Variants in SOX5 observed in about 807,000 individuals in gnomAD.
SOX5 encodes the protein SRY-box transcription factor 5, also known as transcription factor SOX-5.
A neutral mutation model predicts 92.0 loss-of-function variants in SOX5; 9 were observed. The ratio of observed to expected loss-of-function variants is 0.10; its 90% CI spans 0.06 to 0.17. SOX5 has a LOEUF of 0.17. Among genes scored for constraint, SOX5 ranks in the 10% least tolerant of loss-of-function variants. The pLI is 1.00. For missense variants in SOX5, 642 were observed against 944.5 expected (o/e 0.68, Z 4.20); for synonymous variants, 344 against 336.3 (o/e 1.02, Z -0.25).
intron 10 of SOX5, among the ~76,000 whole-genome samples, chr12:23,566,051 T>C (rs1426671534): frequency 3.9e-5 from 6 of 152,322 alleles, no homozygotes; most frequent in Non-Finnish European, 7.3e-5. Flanking sequence ...TCAATAAAAA[T>C]GGTTCCTTGC....
chr12:23,667,584 T>C (rs977728310), intron 6 of SOX5, among the ~76,000 whole-genome samples: 2 of 152,102 alleles, frequency 1.3e-5, no homozygotes, highest in African/African-American at 4.8e-5. Context: ...AAATAAGACC[T>C]AGCTTGGCCC....
At chr12:24,546,821 T>TC (rs1952665484) in intron 1 of SOX5, among the ~76,000 whole-genome samples, 1 of 152,118 alleles carries the variant, frequency 6.6e-6, no homozygotes, top group Non-Finnish European at 1.5e-5. Flanking sequence ...AGGGTTGACT[T>TC]CCCCCAGGGC....
intron 1 of SOX5, among the ~76,000 whole-genome samples, chr12:24,465,412 T>C (rs893605353): frequency 2.6e-5 from 4 of 152,238 alleles, no homozygotes; most frequent in Admixed American, 2.0e-4. Flanking sequence ...ATTTAAGAGA[T>C]GCATTTATTC....
intron 2 of SOX5, among the ~76,000 whole-genome samples, chr12:23,874,583 G>A (rs1568530621): frequency 6.6e-6 from 1 of 152,122 alleles, no homozygotes; most frequent in East Asian, 1.9e-4. Context: ...AAATAGTACG[G>A]GCAGCAACTT....
intron 9 of SOX5, among the ~76,000 whole-genome samples, chr12:23,579,973 T>C (rs1353963943): frequency 6.6e-6 from 1 of 152,108 alleles, no homozygotes; most frequent in African/African-American, 2.4e-5. Flanking sequence ...ATTTCATTTA[T>C]ACACAAAGTA....
chr12:23,640,644 T>G (rs1236989496), intron 8 of SOX5, among the ~76,000 whole-genome samples, 168 bp downstream of exon 8: 2 of 152,184 alleles, frequency 1.3e-5, no homozygotes, highest in East Asian at 3.9e-4. Flanking sequence ...GGCTAAAAAT[T>G]AAGAGAATCA....
intron 9 of SOX5, among the ~76,000 whole-genome samples, chr12:23,591,168 C>T (rs1424954432): frequency 6.6e-6 from 1 of 151,806 alleles, no homozygotes; most frequent in African/African-American, 2.4e-5. Flanking sequence ...AAGCATATTA[C>T]TGCAGTTAAA....
intron 6 of SOX5, among the ~76,000 whole-genome samples, chr12:23,721,416 T>C (rs2092810326): frequency 6.6e-6 from 1 of 152,106 alleles, no homozygotes; most frequent in African/African-American, 2.4e-5. Context: ...CAAAAAGTTC[T>C]AATTCAGTAG....
intron 4 of SOX5, among the ~76,000 whole-genome samples, chr12:24,178,880 A>G (rs983977803): frequency 6.6e-6 from 1 of 152,244 alleles, no homozygotes; most frequent in Non-Finnish European, 1.5e-5. Flanking sequence ...CTTCAAAGCC[A>G]TGTTTTCCCC....
chr12:23,632,751 A>G (rs1371876478), intron 8 of SOX5, among the ~76,000 whole-genome samples: 1 of 152,140 alleles, frequency 6.6e-6, no homozygotes, highest in Non-Finnish European at 1.5e-5. Context: ...TTGCTATGAA[A>G]AAAGATTGAT....
intron 4 of SOX5, among the ~76,000 whole-genome samples, chr12:24,180,901 G>A (rs1039973435): frequency 6.6e-6 from 1 of 152,070 alleles, no homozygotes; most frequent in Non-Finnish European, 1.5e-5. Context: ...CTCACCCATG[G>A]CTCACACAGG....
At chr12:23,583,858 T>C (rs1950368709) in intron 9 of SOX5, among the ~76,000 whole-genome samples, 1 of 152,184 alleles carries the variant, frequency 6.6e-6, no homozygotes, top group Non-Finnish European at 1.5e-5. Flanking sequence ...TCATTGTTGC[T>C]TTCCTGTTAG....
At chr12:23,863,965 G>T (rs1595158690) in intron 2 of SOX5, among the ~76,000 whole-genome samples, 4 of 150,618 alleles carry the variant, frequency 2.7e-5, no homozygotes, top group Admixed American at 1.3e-4. Context: ...GCTTTACTGT[G>T]CTCCACAAAT....
intron 4 of SOX5, among the ~76,000 whole-genome samples, chr12:24,059,692 T>C (rs886337292): frequency 6.6e-6 from 1 of 152,158 alleles, no homozygotes; most frequent in African/African-American, 2.4e-5. Flanking sequence ...TTTGAGAGTC[T>C]ACAAGTCTCC....
chr12:24,517,991 C>A (rs1470307029), intron 1 of SOX5, among the ~76,000 whole-genome samples: 2 of 152,198 alleles, frequency 1.3e-5, no homozygotes, highest in Admixed American at 6.5e-5. Flanking sequence ...TGTTTTGAAT[C>A]TCTCACAAAA....
chr12:23,598,836 G>A (rs771988821), intron 9 of SOX5, among the ~76,000 whole-genome samples: 46 of 152,100 alleles, frequency 3.0e-4, no homozygotes, highest in Non-Finnish European at 6.0e-4. Flanking sequence ...TTCCCCACTT[G>A]GCATTATAAA....
intron 1 of SOX5, among the ~76,000 whole-genome samples, chr12:23,946,629 C>A (rs1391398165): frequency 6.6e-6 from 1 of 151,884 alleles, no homozygotes; most frequent in Non-Finnish European, 1.5e-5. Context: ...TTATTGACTT[C>A]TTTTAAAAAT....
At chr12:24,452,157 T>G (rs929881886) in intron 1 of SOX5, among the ~76,000 whole-genome samples, 1 of 152,226 alleles carries the variant, frequency 6.6e-6, no homozygotes, top group Non-Finnish European at 1.5e-5. Flanking sequence ...AGCTTGCAAC[T>G]CCTTAGACAG....
chr12:23,561,865 GTA>G (rs1439387416), intron 11 of SOX5, among the ~76,000 whole-genome samples: 1 of 150,228 alleles, frequency 6.7e-6, no homozygotes, highest in Non-Finnish European at 1.5e-5. Flanking sequence ...ACCAACTGCT[GTA>G]TCCACAGCTG....
Sources: allele counts gnomAD v4.1 joint callset (sites outside exome capture counted in the v4.1 genomes callset), GRCh38; gene constraint gnomAD v4.1.1; transcripts MANE v1.5; gene names NCBI Gene and HGNC (gene_info 2026-07-23, HGNC 2026-07-21).